XIRP2: variants seen among roughly 807,000 people sequenced by gnomAD.
XIRP2 encodes xin actin-binding repeat-containing protein 2.
In XIRP2, 236 loss-of-function variants were observed where a neutral mutation model predicts 277.0. The ratio of observed to expected loss-of-function variants is 0.85; its 90% CI spans 0.77 to 0.95. XIRP2 has a LOEUF of 0.95. Among genes scored for constraint, XIRP2 ranks in the 40% least tolerant of loss-of-function variants. XIRP2 has a pLI of 0.00. For synonymous variants in XIRP2, 1,490 were observed against 1,416.5 expected, an observed-to-expected ratio of 1.05 and a Z score of -1.17; for missense variants, 4,640 against 4,157.5, an observed-to-expected ratio of 1.12 and a Z score of -3.19.
chr2:167,194,482 T>G (rs1032395415), intron 3 of XIRP2, among the ~76,000 whole-genome samples: 13 of 152,184 alleles, frequency 8.5e-5, no homozygotes, highest in African/African-American at 3.1e-4. Context: ...TTATTTCATT[T>G]CTATTAATGA....
intron 2 of XIRP2, among the ~76,000 whole-genome samples, chr2:166,979,032 T>G (rs1483271240): frequency 1.3e-5 from 2 of 152,216 alleles, no homozygotes; most frequent in African/African-American, 4.8e-5. Flanking sequence ...TAAATTAGTG[T>G]ATCACTCTAG....
At chr2:166,995,834 C>T (rs969534349) in intron 2 of XIRP2, among the ~76,000 whole-genome samples, 1 of 152,178 alleles carries the variant, frequency 6.6e-6, no homozygotes, top group Non-Finnish European at 1.5e-5. Flanking sequence ...TGTTAGCCCT[C>T]ATTCCAAGTC....
intron 3 of XIRP2, among the ~76,000 whole-genome samples, chr2:167,205,867 A>ACT (rs1284636201): frequency 6.6e-6 from 1 of 151,894 alleles, no homozygotes; most frequent in African/African-American, 2.4e-5. Flanking sequence ...TGTCTACCTT[A>ACT]TTGTTTAGGT....
At chr2:167,009,313 G>A (rs557142887) in intron 2 of XIRP2, among the ~76,000 whole-genome samples, 1 of 148,930 alleles carries the variant, frequency 6.7e-6, no homozygotes, top group Non-Finnish European at 1.5e-5. Context: ...AATATGTGGT[G>A]TTTGGTTTTT....
rs1559024057 is a variant in XIRP2 at position 167,214,226 on chromosome 2, G to GGA, written c.723+3331_723+3332insGA. On this transcript the variant is annotated intron_variant, in intron 4 of 10. Transcript: ENST00000409195. ...AAAGAGAGGGAGGGAGGGAGGGAGG[G>GGA]AGGAAGGAAGGAAGGAAGGAAGGAA... Among the ~76,000 whole-genome samples the GGA allele has an allele frequency of 2.7e-3, 182 of 67,332 alleles. 29 individuals are homozygous for GGA. The highest frequency in any genetic ancestry group is 0.017 in the African/African-American group (170 of 10,088). 44.2% of individuals were successfully genotyped at this position (67,332 alleles called of 152,430 possible). A position where few individuals can be genotyped will look rare whatever the true frequency, so the allele number is the denominator to read the frequency against.
At chr2:167,182,742 T>C (rs1693052461) in intron 3 of XIRP2, among the ~76,000 whole-genome samples, 1 of 152,116 alleles carries the variant, frequency 6.6e-6, no homozygotes, top group African/African-American at 2.4e-5. Context: ...TAAAAGAAAA[T>C]AATAAAGGTA....
intron 2 of XIRP2, among the ~76,000 whole-genome samples, chr2:167,050,528 G>A (rs557223940): frequency 2.0e-5 from 3 of 151,972 alleles, no homozygotes; most frequent in Non-Finnish European, 4.4e-5. Flanking sequence ...GCATAGAACT[G>A]TTAGAATGGG....
chr2:167,131,470 C>A (rs1310420071), intron 2 of XIRP2, among the ~76,000 whole-genome samples: 1 of 152,188 alleles, frequency 6.6e-6, no homozygotes, highest in Admixed American at 6.5e-5. Flanking sequence ...CACCATCTCC[C>A]AGTCACTCTC....
chr2:167,118,587 G>A (rs187613701), intron 2 of XIRP2, among the ~76,000 whole-genome samples: 105 of 152,098 alleles, frequency 6.9e-4, no homozygotes, highest in African/African-American at 2.4e-3. Flanking sequence ...TTTACCGTTC[G>A]AGTACACAGC....
At chr2:167,163,380 C>A (rs574884932) in intron 3 of XIRP2, among the ~76,000 whole-genome samples, 1 of 152,252 alleles carries the variant, frequency 6.6e-6, no homozygotes, top group East Asian at 1.9e-4. Flanking sequence ...GAGTTGTATT[C>A]CCTTGTAGTT....
intron 2 of XIRP2, among the ~76,000 whole-genome samples, chr2:167,036,811 CA>C (rs34739821): frequency 1.3e-5 from 2 of 152,066 alleles, no homozygotes; most frequent in African/African-American, 4.8e-5. Flanking sequence ...GGAAGGGCCC[CA>C]GGGGTAGGTA....
rs1250049944 is a variant in XIRP2 at position 167,248,864 on chromosome 2, A to G, written c.7472A>G (p.Gln2491Arg). 1 of 1,613,504 alleles carries G rather than the reference A, an allele frequency of 6.2e-7. No individual in the cohort carries two copies. Among genetic ancestry groups the G allele is most frequent in the Non-Finnish European group, 8.5e-7 (1 of 1,179,788 alleles). ...AGTAAGAGTCTTGATGAAAGAAAAC[A>G]ATTATCTATTGACTCTGCAAACTGT... Reference protein sequence around the residue: ...VISKSLDERKQLSIDSANCLS... With the variant: ...VISKSLDERKRLSIDSANCLS... The change falls in exon 9 of 11, where the codon CAA becomes CGA. Residue 2491 changes from glutamine to arginine, a missense_variant. By Grantham distance (43) the Gln-to-Arg change is conservative. Coordinates refer to ENST00000409195, the MANE Select transcript of XIRP2 (RefSeq NM_152381.6).
intron 2 of XIRP2, among the ~76,000 whole-genome samples, chr2:167,080,244 A>T (rs1427949092): frequency 6.6e-6 from 1 of 152,202 alleles, no homozygotes; most frequent in East Asian, 1.9e-4. Context: ...GGGGTAAAAA[A>T]GGAAAAGTTA....
rs1476256994 is a variant in XIRP2, at chr2:167,258,908, G to A, written c.*1091G>A. The A allele has an allele frequency of 6.2e-7, 1 of 1,613,124 alleles. No individual in the cohort carries two copies. Among genetic ancestry groups the A allele is most frequent in the African/African-American group, 1.3e-5 (1 of 74,978 alleles). ...TCTGAAGAAACAGACTGACAGAGCA[G>A]CTGCTGGCAGTCCTGTGCAGCCTGC... On this transcript the variant is annotated 3_prime_UTR_variant, in exon 11 of 11. Transcript: ENST00000409195.
intron 2 of XIRP2, among the ~76,000 whole-genome samples, chr2:167,075,377 G>A (rs1362129836): frequency 6.6e-6 from 1 of 152,112 alleles, no homozygotes; most frequent in Non-Finnish European, 1.5e-5. Flanking sequence ...GGAAAATGGG[G>A]TCGCCATTTG....
intron 2 of XIRP2, among the ~76,000 whole-genome samples, chr2:167,096,564 T>C (rs533529938): frequency 2.0e-5 from 3 of 152,316 alleles, no homozygotes; most frequent in South Asian, 4.1e-4. Context: ...TCTGTTTTGA[T>C]CTTAGTTATT....
chr2:167,066,772 A>G (rs1050652361), intron 2 of XIRP2, among the ~76,000 whole-genome samples: 5 of 152,144 alleles, frequency 3.3e-5, no homozygotes, highest in Non-Finnish European at 7.4e-5. Context: ...AAAATGTGGC[A>G]TATACACTTT....
intron 2 of XIRP2, among the ~76,000 whole-genome samples, chr2:167,022,052 A>T (rs181947049): frequency 1.3e-5 from 2 of 152,152 alleles, no homozygotes; most frequent in Admixed American, 6.6e-5. Flanking sequence ...TAATATATTA[A>T]TGATGGCTAC....
intron 2 of XIRP2, among the ~76,000 whole-genome samples, chr2:166,978,302 G>A (rs985510573): frequency 1.3e-5 from 2 of 152,094 alleles, no homozygotes; most frequent in Admixed American, 6.6e-5. Context: ...TAATCAATCA[G>A]GCATTATAAA....
Sources: gnomAD v4.1 joint callset for allele counts (sites outside exome capture counted in the v4.1 genomes callset) on GRCh38, gnomAD v4.1.1 for gene constraint, MANE v1.5 for transcripts, NCBI Gene and HGNC (gene_info 2026-07-23, HGNC 2026-07-21) for gene names.